The following CNOT4 variants were observed in gnomAD, a reference collection of about 807,000 sequenced individuals.
CNOT4 encodes the protein CCR4-NOT transcription complex subunit 4.
CNOT4 carries 8 observed loss-of-function variants against 73.8 expected under a neutral mutation model. That is an observed-to-expected ratio of 0.11 (90% confidence interval 0.06 to 0.20). The LOEUF is 0.20. CNOT4 is among the 10% of genes least tolerant of loss of function. The pLI is 1.00. For synonymous variants in CNOT4, 293 were observed against 321.1 expected (o/e 0.91, Z 0.94); for missense variants, 564 against 883.4 (o/e 0.64, Z 4.58).
intron 9 of CNOT4, among the ~76,000 whole-genome samples, chr7:135,394,875 T>C (rs1796593229): frequency 1.3e-5 from 2 of 152,192 alleles, no homozygotes; most frequent in South Asian, 4.1e-4. Flanking sequence ...CTCATAGTTT[T>C]TTGGAATTTT....
chr7:135,398,027 TTATAA>T, intron 8 of CNOT4, 137 bp downstream of exon 8: 1 of 656,376 alleles, frequency 1.5e-6, no homozygotes. Context: ...AAAAGGCTAA[TTATAA>T]TATGATTAAT....
At chr7:135,367,248 C>T (rs1689459600) in intron 10 of CNOT4, among the ~76,000 whole-genome samples, 1 of 152,140 alleles carries the variant, frequency 6.6e-6, no homozygotes. Flanking sequence ...TATGATCTCG[C>T]TTGAATGCAC....
intron 2 of CNOT4, among the ~76,000 whole-genome samples, chr7:135,433,996 G>A (rs374315129): frequency 7.9e-5 from 12 of 152,178 alleles, no homozygotes; most frequent in African/African-American, 2.9e-4. Context: ...TTAAAGCTAA[G>A]AGAAACTTTC....
chr7:135,502,925 G>A (rs1341177556), intron 1 of CNOT4, among the ~76,000 whole-genome samples: 7 of 144,780 alleles, frequency 4.8e-5, no homozygotes, highest in South Asian at 2.2e-4. Flanking sequence ...GGCTGAGGCA[G>A]GTGGATCACC....
chr7:135,364,103 A>T lies in CNOT4; in HGVS notation c.1628-37T>A, dbSNP rs750895743. 2.8e-6 allele frequency: 4 copies of T among 1,452,080 alleles called. No homozygotes were observed. The South Asian group carries it at 4.8e-5, about 17-fold the overall frequency. The allele number at this position is 1,452,080 out of a possible 1,614,324, so 89.9% of individuals were successfully genotyped here. A position where few individuals can be genotyped will look rare whatever the true frequency, so the allele number is the denominator to read the frequency against. ...ACCAACAAAAAAATGAAAGATAAAAAAAAATAAAAAGCTACGTTAGAAACA... is the reference window on the plus strand; with the variant it reads ...ACCAACAAAAAAATGAAAGATAAAATAAAATAAAAAGCTACGTTAGAAACA... On this transcript the variant is annotated intron_variant, in intron 10 of 11. Transcript: ENST00000541284. The surrounding 1 kb of genome is among the most constrained non-coding windows in gnomAD (Gnocchi z 4.3).
chr7:135,374,259 T>C (rs976808982), intron 10 of CNOT4, among the ~76,000 whole-genome samples: 3 of 152,184 alleles, frequency 2.0e-5, no homozygotes, highest in African/African-American at 4.8e-5. Flanking sequence ...AAGTTATCAA[T>C]GAGAGTCAAA....
At chr7:135,449,489 A>T (rs1800035680) in intron 1 of CNOT4, among the ~76,000 whole-genome samples, 1 of 152,230 alleles carries the variant, frequency 6.6e-6, no homozygotes, top group Admixed American at 6.5e-5. Context: ...GTGATCAATA[A>T]GCCCACATCC....
chr7:135,452,619 G>C (rs977159397), intron 1 of CNOT4, among the ~76,000 whole-genome samples: 2 of 152,054 alleles, frequency 1.3e-5, no homozygotes, highest in Non-Finnish European at 2.9e-5. Context: ...CTGAGTAGAG[G>C]GCTAGAGGTA....
At chr7:135,372,771 G>A (rs1277502068) in intron 10 of CNOT4, among the ~76,000 whole-genome samples, 2 of 152,074 alleles carry the variant, frequency 1.3e-5, no homozygotes, top group African/African-American at 2.4e-5. Flanking sequence ...TGGTCAGGCT[G>A]GTCTTGAATG....
intron 3 of CNOT4, among the ~76,000 whole-genome samples, chr7:135,420,018 C>T (rs1563038657): frequency 7.0e-6 from 1 of 143,436 alleles, no homozygotes; most frequent in Non-Finnish European, 1.5e-5. Context: ...GTGCACTGCA[C>T]TCCAGCCTGG....
At chr7:135,495,964 C>G (rs796605719) in intron 1 of CNOT4, among the ~76,000 whole-genome samples, 106 of 152,252 alleles carry the variant, frequency 7.0e-4, no homozygotes, top group African/African-American at 2.5e-3. Flanking sequence ...ATATTCAGCA[C>G]AAACTGTCTC....
chr7:135,459,162 A>G (rs759864033), intron 1 of CNOT4, among the ~76,000 whole-genome samples: 2 of 152,030 alleles, frequency 1.3e-5, no homozygotes, highest in Non-Finnish European at 2.9e-5. Context: ...TCTCCATCAA[A>G]GCTCTCAGGT....
chr7:135,485,330 A>C (rs1802648512), intron 1 of CNOT4, among the ~76,000 whole-genome samples: 1 of 152,162 alleles, frequency 6.6e-6, no homozygotes, highest in African/African-American at 2.4e-5. Context: ...TCGGCCTCCC[A>C]AAGTGCTGGG....
At chr7:135,497,312 G>C (rs1803654343) in intron 1 of CNOT4, among the ~76,000 whole-genome samples, 1 of 152,110 alleles carries the variant, frequency 6.6e-6, no homozygotes, top group Non-Finnish European at 1.5e-5. Context: ...AAGAGGCTAA[G>C]GTAGGAGAAT....
At chr7:135,450,772 A>G (rs1269757663) in intron 1 of CNOT4, among the ~76,000 whole-genome samples, 1 of 152,208 alleles carries the variant, frequency 6.6e-6, no homozygotes, top group Non-Finnish European at 1.5e-5. Context: ...TTTAAAAAGG[A>G]TAAAATGTCT....
chr7:135,400,407 C>T (rs3793212), intron 7 of CNOT4, among the ~76,000 whole-genome samples: 5,683 of 151,996 alleles, frequency 0.037, 334 homozygotes, highest in African/African-American at 0.12. Context: ...GGGCTTCAAG[C>T]TGAGAGAAAG....
intron 10 of CNOT4, among the ~76,000 whole-genome samples, chr7:135,380,895 T>C (rs1360689387): frequency 6.6e-6 from 1 of 152,214 alleles, no homozygotes. Context: ...AGTGTCATGA[T>C]TCCAATACAA....
At position 135,363,994 on chromosome 7, in the gene CNOT4, A is replaced by G; in HGVS notation, c.1700T>C (p.Ile567Thr). 1 of 1,598,316 alleles carries G rather than the reference A, an allele frequency of 6.3e-7. No homozygotes were observed. The highest frequency in any genetic ancestry group is 8.5e-7 in the Non-Finnish European group (1 of 1,179,744). Residue 567 changes from isoleucine to threonine, a missense_variant, in exon 11 of 12, where the codon ATT (isoleucine) becomes ACT (threonine). Physicochemically the swap from Ile to Thr is moderately conservative, Grantham distance 89. Transcript: ENST00000541284. The surrounding 1 kb of genome is among the most constrained non-coding windows in gnomAD (Gnocchi z 4.3). ...QDGLRALLPNININFGGLPNS... is the reference protein window; with the variant it reads ...QDGLRALLPNTNINFGGLPNS... ...GGGCAGTCCACCAAAGTTGATGTTA[A>G]TGTTGGGTAGAAGTGCCCTTAGCCC...
At chr7:135,504,477 T>TA (rs1563088709) in intron 1 of CNOT4, among the ~76,000 whole-genome samples, 2 of 53,586 alleles carry the variant, frequency 3.7e-5, no homozygotes, top group Non-Finnish European at 3.8e-5. Context: ...TTTTTTTTTT[T>TA]TTTTTTTTTT....
Sources: allele counts gnomAD v4.1 joint callset (sites outside exome capture counted in the v4.1 genomes callset), GRCh38; gene constraint gnomAD v4.1.1; non-coding constraint Gnocchi (gnomAD v3.1); transcripts MANE v1.5; gene names NCBI Gene and HGNC (gene_info 2026-07-23, HGNC 2026-07-21).